Variants in CCDC146 observed in about 807,000 individuals in gnomAD.
The protein encoded by CCDC146 is coiled-coil domain-containing protein 146.
A neutral mutation model predicts 119.3 loss-of-function variants in CCDC146; 92 were observed. The observed-to-expected ratio is 0.77, with a 90% confidence interval of 0.65 to 0.92. The LOEUF is 0.92. Ranked by LOEUF, CCDC146 falls within the 40% of genes least tolerant of loss-of-function variation. The pLI, the probability that CCDC146 is intolerant of heterozygous loss-of-function variation, is 0.00. For synonymous variants in CCDC146, 372 were observed against 371.8 expected, an observed-to-expected ratio of 1.00 and a Z score of -0.01; for missense variants, 1,000 against 1,103.0, an observed-to-expected ratio of 0.91 and a Z score of 1.32.
chr7:77,181,483 G>A (rs1791588141), intron 2 of CCDC146, among the ~76,000 whole-genome samples: 1 of 152,160 alleles, frequency 6.6e-6, no homozygotes, highest in African/African-American at 2.4e-5. Context: ...GTGTATGCAG[G>A]CCGCGTATAT....
Position 77,241,745 on chromosome 7 carries a change from A to G in CCDC146, c.294A>G (p.Gln98=). 4 of 1,614,076 alleles carry G rather than the reference A, an allele frequency of 2.5e-6. No individual in the cohort carries two copies. The highest frequency in any genetic ancestry group is 3.4e-6 in the Non-Finnish European group (4 of 1,180,042). Residue 98 remains glutamine, a synonymous_variant, in exon 4 of 19, where the codon CAA becomes CAG. Transcript: ENST00000285871. ...LLQNAKRFTE[Q]IQQQQFHLQQ... ...AGAATGCCAAACGTTTCACTGAGCA[A>G]ATACAACAGCAGCAGTTTCACCTGC...
chr7:77,257,004 G>T (rs532393515), intron 6 of CCDC146, among the ~76,000 whole-genome samples: 90 of 152,250 alleles, frequency 5.9e-4, no homozygotes, highest in African/African-American at 2.1e-3. Context: ...TACTTGGGAG[G>T]CTGAGGCAGG....
intron 4 of CCDC146, among the ~76,000 whole-genome samples, chr7:77,250,200 A>G (rs979519621): frequency 6.6e-6 from 1 of 152,236 alleles, no homozygotes; most frequent in Non-Finnish European, 1.5e-5. Flanking sequence ...CTGCTGTTAT[A>G]AATTTGAACA....
Position 77,196,178 on chromosome 7 carries a change from T to G in CCDC146, c.156+28354T>G. ...TAAGAACCTAGCCGTCAGACATCAT[T>G]TTTTAGCTATGAAAAATATGAAACA... On this transcript the variant is annotated intron_variant, in intron 2 of 18. Coordinates refer to ENST00000285871, the MANE Select transcript of CCDC146 (RefSeq NM_020879.3). This position sits in a 1 kb window ranked among gnomAD's most constrained non-coding sequence, Gnocchi z 4.2. 1 of 849,296 alleles carries G rather than the reference T, an allele frequency of 1.2e-6. No individual in the cohort carries two copies. 52.6% of individuals were successfully genotyped at this position (849,296 alleles called of 1,614,324 possible). A position where few individuals can be genotyped will look rare whatever the true frequency, so the allele number is the denominator to read the frequency against.
At chr7:77,127,609 A>G (rs1460379340) in intron 1 of CCDC146, among the ~76,000 whole-genome samples, 1 of 152,134 alleles carries the variant, frequency 6.6e-6, no homozygotes, top group Non-Finnish European at 1.5e-5. Flanking sequence ...TTAGAAGGGC[A>G]AATGTTGCCT....
At chr7:77,140,832 C>A (rs71555964) in intron 1 of CCDC146, among the ~76,000 whole-genome samples, 4 of 152,208 alleles carry the variant, frequency 2.6e-5, no homozygotes, top group Admixed American at 6.5e-5. Flanking sequence ...ATATTGATAT[C>A]AATATTGATA....
At chr7:77,224,289 G>T (rs1454692603) in intron 2 of CCDC146, among the ~76,000 whole-genome samples, 1 of 152,160 alleles carries the variant, frequency 6.6e-6, no homozygotes, top group African/African-American at 2.4e-5. Context: ...TCCAGCTTCT[G>T]GAAGCCACCT....
At chr7:77,155,576 T>A (rs1385699762) in intron 1 of CCDC146, among the ~76,000 whole-genome samples, 2 of 152,112 alleles carry the variant, frequency 1.3e-5, no homozygotes, top group Non-Finnish European at 2.9e-5. Context: ...ATACTGCCAA[T>A]CCTTGCTGTG....
chr7:77,242,854 T>C (rs960367831), intron 4 of CCDC146, among the ~76,000 whole-genome samples: 1 of 146,900 alleles, frequency 6.8e-6, no homozygotes, highest in African/African-American at 2.5e-5. Context: ...GGGTTTAAAA[T>C]CCTCTCTTTG....
chr7:77,170,221 A>C lies in CCDC146; in HGVS notation c.156+2397A>C, dbSNP rs890671765. 3.3e-5 allele frequency among the ~76,000 whole-genome samples: 5 copies of C among 152,298 alleles called. No homozygotes were observed. The South Asian group carries it at 6.2e-4, about 19-fold the overall frequency. On this transcript the variant is annotated intron_variant, in intron 2 of 18. Coordinates refer to ENST00000285871, the MANE Select transcript of CCDC146 (RefSeq NM_020879.3). ...ATAGCTCCCACTTATAAATGAGAAT[A>C]TGCAGTGTCTGGCTTTCTTTTCCTG... is the stretch of plus-strand genomic sequence containing the variant.
intron 3 of CCDC146, among the ~76,000 whole-genome samples, chr7:77,241,041 C>T (rs1283104506): frequency 1.5e-5 from 1 of 66,444 alleles, no homozygotes; most frequent in Non-Finnish European, 3.6e-5. Flanking sequence ...CTCACTCTGT[C>T]GCCCAGGCGG....
intron 1 of CCDC146, among the ~76,000 whole-genome samples, chr7:77,161,118 A>G (rs1433390990): frequency 6.6e-6 from 1 of 152,244 alleles, no homozygotes; most frequent in Non-Finnish European, 1.5e-5. Flanking sequence ...AATGGCAATC[A>G]TTAAAAAGTC....
At chr7:77,214,397 G>C (rs1356930962) in intron 2 of CCDC146, among the ~76,000 whole-genome samples, 1 of 152,078 alleles carries the variant, frequency 6.6e-6, no homozygotes, top group African/African-American at 2.4e-5. Flanking sequence ...CCATTCTGTA[G>C]ATTGTCTGTT....
chr7:77,196,117 A>T lies in CCDC146; in HGVS notation c.156+28293A>T. 1.7e-6 allele frequency: 1 copy of T among 594,656 alleles called. No individual in the cohort carries two copies. Among genetic ancestry groups the T allele is most frequent in the Non-Finnish European group, 2.9e-6 (1 of 342,314 alleles). 36.8% of individuals were successfully genotyped at this position (594,656 alleles called of 1,614,324 possible). A position where few individuals can be genotyped will look rare whatever the true frequency, so the allele number is the denominator to read the frequency against. On this transcript the variant is annotated intron_variant, in intron 2 of 18. Coordinates refer to ENST00000285871, the MANE Select transcript of CCDC146 (RefSeq NM_020879.3). This position sits in a 1 kb window ranked among gnomAD's most constrained non-coding sequence, Gnocchi z 4.2. ...ACAACAAAGGACTCCTTTAAAATGC[A>T]TTGTTTTTCAGCTTTATTTCAAATG...
chr7:77,256,204 G>T, intron 5 of CCDC146, 129 bp from the exon 6 acceptor site: 1 of 639,490 alleles, frequency 1.6e-6, no homozygotes. Context: ...TTAACCTTGT[G>T]AGAAATCATT....
intron 2 of CCDC146, among the ~76,000 whole-genome samples, chr7:77,180,887 TCTAA>T (rs1242651989): frequency 1.2e-4 from 19 of 152,334 alleles, no homozygotes; most frequent in African/African-American, 4.3e-4. Flanking sequence ...CTGTGTGCCA[TCTAA>T]CTTTTTGACC....
intron 2 of CCDC146, among the ~76,000 whole-genome samples, chr7:77,210,647 T>C (rs181070055): frequency 6.6e-6 from 1 of 152,344 alleles, no homozygotes; most frequent in East Asian, 1.9e-4. Context: ...ATTTTCTGTA[T>C]TAGTCCATTC....
chr7:77,166,234 AG>A (rs1382474085), intron 1 of CCDC146, among the ~76,000 whole-genome samples: 8 of 152,360 alleles, frequency 5.3e-5, no homozygotes, highest in African/African-American at 1.9e-4. Flanking sequence ...TCACAGAGGA[AG>A]CTGATTTTTA....
chr7:77,194,872 T>C (rs1038646656), intron 2 of CCDC146: 1 of 152,178 alleles, frequency 6.6e-6, no homozygotes, highest in African/African-American at 2.4e-5. Flanking sequence ...TTAAATATTA[T>C]ATATAGCATT....
Sources: gnomAD v4.1 joint callset for allele counts (sites outside exome capture counted in the v4.1 genomes callset) on GRCh38, gnomAD v4.1.1 for gene constraint, Gnocchi (gnomAD v3.1) non-coding constraint, MANE v1.5 for transcripts, NCBI Gene and HGNC (gene_info 2026-07-23, HGNC 2026-07-21) for gene names.